Variants in LCOR observed in about 807,000 individuals in gnomAD.
LCOR encodes ligand dependent nuclear receptor corepressor.
Under a neutral mutation model 64.4 loss-of-function variants are expected in LCOR, and 14 were observed. That is an observed-to-expected ratio of 0.22 (90% CI 0.14 to 0.34). LCOR has a LOEUF of 0.34. Among genes scored for constraint, LCOR ranks in the 10% least tolerant of loss-of-function variants. The probability of loss-of-function intolerance (pLI) is 1.00; values close to 1 mark genes in which losing one functional copy is unlikely to be tolerated. For synonymous variants in LCOR, 643 were observed against 642.5 expected (o/e 1.00, Z -0.01); for missense variants, 1,686 against 1,765.3 (o/e 0.96, Z 0.80).
rs553567819 is a variant in LCOR at position 96,958,444 on chromosome 10, GCCTAC to G, written c.332+6252_332+6256del. On this transcript the variant is annotated intron_variant, in intron 7 of 7. Transcript: ENST00000421806. Reference sequence around the variant, plus strand: ...CAATCGAGCAGCAGAAGAATGGTGTGCCTACCCTTTAATGCTGCAGTTTAAGAGAA... The same window carrying G: ...CAATCGAGCAGCAGAAGAATGGTGTGCCTTTAATGCTGCAGTTTAAGAGAA... 193 of 1,239,242 alleles carry G rather than the reference GCCTAC, an allele frequency of 1.6e-4. 4 individuals carry two copies. The South Asian group carries it at 2.4e-3, about 16-fold the overall frequency. 76.8% of individuals were successfully genotyped at this position (1,239,242 alleles called of 1,614,324 possible).
At chr10:96,872,412 G>T (rs904418271) in intron 2 of LCOR, among the ~76,000 whole-genome samples, 3 of 152,222 alleles carry the variant, frequency 2.0e-5, no homozygotes, top group Non-Finnish European at 4.4e-5. Context: ...AAAGGAGGAG[G>T]CTGGGTGTGG....
At chr10:96,976,669 T>G (rs757648045) in intron 7 of LCOR, among the ~76,000 whole-genome samples, 1 of 152,232 alleles carries the variant, frequency 6.6e-6, no homozygotes, top group African/African-American at 2.4e-5. Flanking sequence ...TGAAGGAAGT[T>G]AGATAATACC....
chr10:96,840,864 C>T (rs189712718), intron 2 of LCOR, among the ~76,000 whole-genome samples: 58 of 152,316 alleles, frequency 3.8e-4, no homozygotes, highest in Non-Finnish European at 7.6e-4. Flanking sequence ...CATCACAGGC[C>T]AGGTGGCTCA....
intron 2 of LCOR, among the ~76,000 whole-genome samples, chr10:96,905,675 A>G (rs1846715089): frequency 1.3e-5 from 2 of 152,092 alleles, no homozygotes; most frequent in Admixed American, 6.5e-5. Flanking sequence ...ATATATTTTA[A>G]TTTTAGTAGG....
At chr10:96,920,762 A>T (rs1456103433) in intron 4 of LCOR, among the ~76,000 whole-genome samples, 5 of 121,190 alleles carry the variant, frequency 4.1e-5, no homozygotes, top group African/African-American at 2.1e-4. Context: ...ACACACACAC[A>T]CACACACACA....
chr10:96,879,716 G>A (rs144333759), intron 2 of LCOR, among the ~76,000 whole-genome samples: 1 of 152,184 alleles, frequency 6.6e-6, no homozygotes, highest in Non-Finnish European at 1.5e-5. Flanking sequence ...AGGCTGGAGT[G>A]CAGTGCGCGA....
At chr10:96,857,255 G>A (rs1380627720) in intron 2 of LCOR, among the ~76,000 whole-genome samples, 1 of 152,140 alleles carries the variant, frequency 6.6e-6, no homozygotes, top group Non-Finnish European at 1.5e-5. Context: ...AGTTTAATTA[G>A]TGTATTATTG....
chr10:96,840,819 G>C (rs372310674), intron 2 of LCOR, among the ~76,000 whole-genome samples: 6 of 152,286 alleles, frequency 3.9e-5, no homozygotes, highest in African/African-American at 1.4e-4. Context: ...GTAAAGCAGC[G>C]TTTGTTATAA....
At chr10:96,905,254 C>G (rs767485132) in intron 2 of LCOR, among the ~76,000 whole-genome samples, 1 of 151,888 alleles carries the variant, frequency 6.6e-6, no homozygotes, top group Non-Finnish European at 1.5e-5. Context: ...TTTTCCTTTT[C>G]AAGAATTTAC....
chr10:96,983,596 G>A lies in LCOR; in HGVS notation c.3136G>A (p.Ala1046Thr), dbSNP rs139484865. The A allele has an allele frequency of 8.3e-5, 134 of 1,614,074 alleles. No homozygotes were observed. Among genetic ancestry groups the A allele is most frequent in the African/African-American group, 6.1e-4 (46 of 74,924 alleles). Residue 1046 changes from alanine to threonine, a missense_variant, in exon 8 of 8, where the codon GCT becomes ACT. Physicochemically the swap from Ala to Thr is moderately conservative, Grantham distance 58. Around this residue, in one of 3 missense-constraint regions of LCOR, gnomAD observed 1,293 missense variants for 1,410.4 expected, o/e 0.92. Coordinates refer to ENST00000421806, the MANE Select transcript of LCOR (RefSeq NM_001346516.2). The surrounding 1 kb of genome is among the most constrained non-coding windows in gnomAD (Gnocchi z 4.5). ...LTSSTYNLRH[A>T]HSLGSLDASK... is the part of the protein sequence containing the mutation. ...CTCTTCAACCTACAACCTAAGACAC[G>A]CTCATTCTCTGGGCTCCTTGGATGC...
chr10:96,887,599 G>A (rs1564615750), intron 2 of LCOR, among the ~76,000 whole-genome samples: 1 of 151,028 alleles, frequency 6.6e-6, no homozygotes. Flanking sequence ...ATGAGCCTTG[G>A]GTCTCCTTAA....
chr10:96,933,137 T>C (rs1453376504), intron 4 of LCOR, among the ~76,000 whole-genome samples: 1 of 152,212 alleles, frequency 6.6e-6, no homozygotes, highest in African/African-American at 2.4e-5. Context: ...GTGAGTCTCA[T>C]TTAATTTTTT....
At chr10:96,919,847 GAAC>G (rs1564625760) in intron 4 of LCOR, among the ~76,000 whole-genome samples, 1 of 152,114 alleles carries the variant, frequency 6.6e-6, no homozygotes, top group Non-Finnish European at 1.5e-5. Flanking sequence ...TTTTAAAGCA[GAAC>G]AATATTCCAC....
At chr10:96,942,392 A>C (rs1847505861) in intron 4 of LCOR, among the ~76,000 whole-genome samples, 1 of 152,188 alleles carries the variant, frequency 6.6e-6, no homozygotes, top group Non-Finnish European at 1.5e-5. Flanking sequence ...AGATGGCAGC[A>C]GTACCGTCCA....
intron 4 of LCOR, among the ~76,000 whole-genome samples, chr10:96,930,279 T>C (rs1847235231): frequency 6.6e-6 from 1 of 152,196 alleles, no homozygotes; most frequent in African/African-American, 2.4e-5. Flanking sequence ...GTGTCTTTAT[T>C]ATATCTTTAA....
At chr10:96,845,806 T>C (rs1176614379) in intron 2 of LCOR, among the ~76,000 whole-genome samples, 1 of 152,002 alleles carries the variant, frequency 6.6e-6, no homozygotes, top group Non-Finnish European at 1.5e-5. Context: ...ACTGTAATTA[T>C]GGGTGAGCAT....
intron 4 of LCOR, among the ~76,000 whole-genome samples, chr10:96,932,229 C>T (rs1847273297): frequency 6.6e-6 from 1 of 151,954 alleles, no homozygotes; most frequent in Non-Finnish European, 1.5e-5. Context: ...GTTTATAGAA[C>T]TATTATGATG....
chr10:96,849,431 A>G (rs1230917226), intron 2 of LCOR, among the ~76,000 whole-genome samples: 8 of 152,106 alleles, frequency 5.3e-5, no homozygotes, highest in African/African-American at 1.9e-4. Flanking sequence ...GCTGGTCTTG[A>G]ACTCCTGACC....
At chr10:96,894,992 A>T (rs1257903851) in intron 2 of LCOR, among the ~76,000 whole-genome samples, 1 of 152,198 alleles carries the variant, frequency 6.6e-6, no homozygotes, top group Admixed American at 6.5e-5. Flanking sequence ...TTTTCTTTCT[A>T]ATCTTTAAAC....
Sources: allele counts gnomAD v4.1 joint callset (sites outside exome capture counted in the v4.1 genomes callset), GRCh38; gene constraint gnomAD v4.1.1; regional missense constraint gnomAD v4.1.1; non-coding constraint Gnocchi (gnomAD v3.1); transcripts MANE v1.5; gene names NCBI Gene and HGNC (gene_info 2026-07-23, HGNC 2026-07-21).